OGN: variants seen among roughly 807,000 people sequenced by gnomAD.
OGN encodes the protein mimecan.
Under a neutral mutation model 30.8 loss-of-function variants are expected in OGN, and 19 were observed. The ratio of observed to expected loss-of-function variants is 0.62; its 90% CI spans 0.43 to 0.90. The LOEUF (loss-of-function observed/expected upper bound fraction) is 0.90. OGN is among the 40% of genes least tolerant of loss of function. The pLI is 0.00. For synonymous variants in OGN, 126 were observed against 128.3 expected (o/e 0.98, Z 0.12); for missense variants, 283 against 349.7 (o/e 0.81, Z 1.52).
At chr9:92,392,620 G>A (rs574074250) in intron 4 of OGN, among the ~76,000 whole-genome samples, 1 of 151,472 alleles carries the variant, frequency 6.6e-6, no homozygotes, top group East Asian at 1.9e-4. Flanking sequence ...ATGTCGGGTT[G>A]GGGGGAGGGG....
rs1842317641 is a variant in OGN, at chr9:92,383,539, CATT to C, written c.*2078_*2080del. ...CTAATTATTAGTGTCAAGAATGAAA[CATT>C]ATGAATATAATGGAGACAGCATATT... On this transcript the variant is annotated 3_prime_UTR_variant, in exon 7 of 7. Coordinates refer to ENST00000375561, the MANE Select transcript of OGN (RefSeq NM_014057.5). 6.6e-6 allele frequency among the ~76,000 whole-genome samples: 1 copy of C among 151,814 alleles called. No homozygotes were observed. Among genetic ancestry groups the C allele is most frequent in the African/African-American group, 2.4e-5 (1 of 41,324 alleles).
chr9:92,385,636 A>G lies in OGN; in HGVS notation c.881T>C (p.Ile294Thr). The change falls in exon 7 of 7, where the codon ATA (isoleucine) becomes ACA (threonine). Residue 294 changes from isoleucine to threonine, a missense_variant. Coordinates refer to ENST00000375561, the MANE Select transcript of OGN (RefSeq NM_014057.5). ...CAATAGAGGTTAAAAGTATGACCCTATCGGTAATCTTTTTAAGCAAATAAA... is the reference window on the plus strand; with the variant it reads ...CAATAGAGGTTAAAAGTATGACCCTGTCGGTAATCTTTTTAAGCAAATAAA... ...NSFICLKRLP[I>T]GSYF 1 of 1,614,096 alleles carries G rather than the reference A, an allele frequency of 6.2e-7. No homozygotes were observed. Among genetic ancestry groups the G allele is most frequent in the African/African-American group, 1.3e-5 (1 of 75,062 alleles).
upstream of OGN, chr9:92,404,679 T>C: frequency 8.0e-7 from 1 of 1,245,584 alleles, no homozygotes. Flanking sequence ...CCAGCATTCT[T>C]TCTCTAGGGT....
chr9:92,390,029 C>T lies in OGN; in HGVS notation c.455G>A (p.Gly152Glu), dbSNP rs761025357. The T allele has an allele frequency of 6.2e-7, 1 of 1,602,552 alleles. No homozygotes were observed. Among genetic ancestry groups the T allele is most frequent in the South Asian group, 1.1e-5 (1 of 89,628 alleles). Residue 152 changes from glycine to glutamate, a missense_variant, in exon 5 of 7, where the codon GGA (glycine) becomes GAA (glutamate). Physicochemically the swap from Gly to Glu is moderately conservative, Grantham distance 98. Transcript: ENST00000375561. ...ATCTTCTATATCTTCTATCAAATTT[C>T]CTGTAAAATCGAGTCTTCTTAAGTT... ...IPNLRRLDFT[G>E]NLIEDIEDGT...
intron 5 of OGN, among the ~76,000 whole-genome samples, chr9:92,388,294 T>C (rs182127856): frequency 6.6e-6 from 1 of 151,806 alleles, no homozygotes; most frequent in Non-Finnish European, 1.5e-5. Flanking sequence ...CCTGAGTAGC[T>C]GGGACTACAG....
intron 3 of OGN, among the ~76,000 whole-genome samples, chr9:92,396,362 T>A (rs1410681411): frequency 6.6e-6 from 1 of 151,792 alleles, no homozygotes; most frequent in Non-Finnish European, 1.5e-5. Context: ...TATTTTAGAA[T>A]CAGCTTGTTA....
At chr9:92,400,139 T>C (rs1843048477) in intron 3 of OGN, among the ~76,000 whole-genome samples, 1 of 152,096 alleles carries the variant, frequency 6.6e-6, no homozygotes, top group Non-Finnish European at 1.5e-5. Context: ...GGGATGTCTT[T>C]TGTTTTTTGT....
In OGN at chr9:92,390,587, T is replaced by TGTGTGC. The variant is rs749697394; in HGVS notation, c.428-532_428-531insGCACAC. Among the ~76,000 whole-genome samples, 235 of 141,912 alleles carry TGTGTGC rather than the reference T, an allele frequency of 1.7e-3. 1 individual carries two copies. The highest frequency in any genetic ancestry group is 7.3e-3 in the Middle Eastern group (2 of 274). The allele number at this position is 141,912 out of a possible 152,430, so 93.1% of individuals were successfully genotyped here. ...CAGTGTGTGTGTGTGTGTGTGTGTGTGCGCGCGCGCGTACTTGCGTGTGCA... is the reference window on the plus strand; with the variant it reads ...CAGTGTGTGTGTGTGTGTGTGTGTGTGTGTGCGCGCGCGCGCGTACTTGCGTGTGCA... On this transcript the variant is annotated intron_variant, in intron 4 of 6. Coordinates refer to ENST00000375561, the MANE Select transcript of OGN (RefSeq NM_014057.5).
chr9:92,390,585 T>TGCGC (rs781712971), intron 4 of OGN, among the ~76,000 whole-genome samples: 11 of 133,124 alleles, frequency 8.3e-5, no homozygotes, highest in South Asian at 7.6e-4. Flanking sequence ...TGTGTGTGTG[T>TGCGC]GTGCGCGCGC....
chr9:92,386,410 G>GATGTATTC, intron 5 of OGN, 114 bp from the exon 6 acceptor site: 1 of 656,788 alleles, frequency 1.5e-6, no homozygotes, highest in Non-Finnish European at 2.7e-6. Context: ...CTTGCATATT[G>GATGTATTC]ATATGAATAC....
At chr9:92,401,065 T>C in intron 3 of OGN, 27 bp downstream of exon 3, 1 of 1,069,016 alleles carries the variant, frequency 9.4e-7, no homozygotes, top group Middle Eastern at 2.7e-4. Context: ...AAAAGATCCA[T>C]TTGAAAAATA....
intron 3 of OGN, among the ~76,000 whole-genome samples, chr9:92,398,793 G>A (rs536118369): frequency 9.9e-5 from 15 of 152,212 alleles, no homozygotes; most frequent in Admixed American, 3.3e-4. Flanking sequence ...AAAGTTGGCC[G>A]GGAGTGGTGG....
chr9:92,389,721 G>A (rs747538985), intron 5 of OGN, 133 bp downstream of exon 5: 4 of 623,636 alleles, frequency 6.4e-6, no homozygotes, highest in East Asian at 5.6e-5. Flanking sequence ...TATTTATTAT[G>A]TAAATAATGT....
intron 4 of OGN, among the ~76,000 whole-genome samples, chr9:92,390,400 G>T (rs1842621861): frequency 6.6e-6 from 1 of 152,194 alleles, no homozygotes; most frequent in African/African-American, 2.4e-5. Flanking sequence ...CATTACATTT[G>T]ATTGGAATCA....
rs568857326 is a variant in OGN at position 92,393,133 on chromosome 9, C to T, written c.380G>A (p.Arg127Gln). 5 of 1,613,728 alleles carry T rather than the reference C, an allele frequency of 3.1e-6. No individual in the cohort carries two copies. Among genetic ancestry groups the T allele is most frequent in the Non-Finnish European group, 2.5e-6 (3 of 1,179,850 alleles). The part of the protein sequence containing the change: ...LPKESAYLYA[R>Q]FNKIKKLTAK... ...AGTCAGCTTTTTAATTTTGTTGAATCGTGCGTAAAGATAGGCTGATTCCTT... is the reference window on the plus strand; with the variant it reads ...AGTCAGCTTTTTAATTTTGTTGAATTGTGCGTAAAGATAGGCTGATTCCTT... The change falls in exon 4 of 7, where the codon CGA (arginine) becomes CAA (glutamine). Residue 127 changes from arginine to glutamine, a missense_variant. Coordinates refer to ENST00000375561, the MANE Select transcript of OGN (RefSeq NM_014057.5).
chr9:92,400,155 T>G (rs1843049431), intron 3 of OGN, among the ~76,000 whole-genome samples: 1 of 152,150 alleles, frequency 6.6e-6, no homozygotes, highest in South Asian at 2.1e-4. Context: ...TTTGTTTTTG[T>G]TTTTGTTTTT....
At chr9:92,399,693 G>T (rs1378609175) in intron 3 of OGN, among the ~76,000 whole-genome samples, 2 of 152,062 alleles carry the variant, frequency 1.3e-5, no homozygotes, top group African/African-American at 4.8e-5. Flanking sequence ...TTTGTGTAAG[G>T]TATGGACCTA....
At chr9:92,385,844 T>C in intron 6 of OGN, 54 bp from the exon 7 acceptor site, 1 of 1,565,958 alleles carries the variant, frequency 6.4e-7, no homozygotes, top group Non-Finnish European at 8.8e-7. Context: ...ACCTTTCATA[T>C]GCTATATAAT....
intron 4 of OGN, among the ~76,000 whole-genome samples, chr9:92,391,669 G>GA: frequency 6.6e-6 from 1 of 152,056 alleles, no homozygotes; most frequent in East Asian, 1.9e-4. Context: ...ACAAAAATGT[G>GA]AAAAACATGT....
Sources: allele counts gnomAD v4.1 joint callset (sites outside exome capture counted in the v4.1 genomes callset), GRCh38; gene constraint gnomAD v4.1.1; transcripts MANE v1.5; gene names NCBI Gene and HGNC (gene_info 2026-07-23, HGNC 2026-07-21).